The following ADAMTS16 variants were observed in gnomAD, a reference collection of about 807,000 sequenced individuals.
The protein encoded by ADAMTS16 is A disintegrin and metalloproteinase with thrombospondin motifs 16.
ADAMTS16 carries 94 observed loss-of-function variants against 145.8 expected under a neutral mutation model. The ratio of observed to expected loss-of-function variants is 0.64; its 90% confidence interval spans 0.55 to 0.77. ADAMTS16 has a LOEUF of 0.77. ADAMTS16 is among the 30% of genes least tolerant of loss of function. The probability of loss-of-function intolerance (pLI) is 0.00; values close to 1 mark genes in which losing one functional copy is unlikely to be tolerated. For synonymous variants in ADAMTS16, 659 were observed against 604.3 expected, an observed-to-expected ratio of 1.09 and a Z score of -1.33; for missense variants, 1,585 against 1,591.5, an observed-to-expected ratio of 1.00 and a Z score of 0.07.
At chr5:5,243,568 C>T (rs574860779) in intron 17 of ADAMTS16, among the ~76,000 whole-genome samples, 6 of 152,318 alleles carry the variant, frequency 3.9e-5, no homozygotes, top group Non-Finnish European at 7.3e-5. Flanking sequence ...GATTTTACCT[C>T]TCCCTATTTA....
At chr5:5,185,994 G>A (rs527606661) in intron 4 of ADAMTS16, 58 bp from the exon 5 acceptor site, 29 of 1,458,652 alleles carry the variant, frequency 2.0e-5, no homozygotes, top group South Asian at 1.1e-4. Context: ...GACGAGTTAC[G>A]GCCCTGATTT....
In ADAMTS16 at chr5:5,317,606, C is replaced by T. The variant is rs1734106870; in HGVS notation, c.3412-528C>T. Among the ~76,000 whole-genome samples, 1 of 152,204 alleles carries T rather than the reference C, an allele frequency of 6.6e-6. No homozygotes were observed. Among genetic ancestry groups the T allele is most frequent in the African/African-American group, 2.4e-5 (1 of 41,522 alleles). ...AGAGACGGGGTTTCATCATGTTGCC[C>T]AGGCTGATCTCGAACTCCTGACCTC... On this transcript the variant is annotated intron_variant, in intron 21 of 22. Coordinates refer to ENST00000274181, the MANE Select transcript of ADAMTS16 (RefSeq NM_139056.4). The surrounding 1 kb of genome is among the most constrained non-coding windows in gnomAD (Gnocchi z 4.5).
chr5:5,317,661 G>A lies in ADAMTS16; in HGVS notation c.3412-473G>A, dbSNP rs901834672. On this transcript the variant is annotated intron_variant, in intron 21 of 22. Coordinates refer to ENST00000274181, the MANE Select transcript of ADAMTS16 (RefSeq NM_139056.4). The surrounding 1 kb of genome is among the most constrained non-coding windows in gnomAD (Gnocchi z 4.5). Reference sequence around the variant, plus strand: ...GATCCACCCGCCTCAGCCTCCCAAAGTGCTGGGATTACAGGCATGAGCCAC... The same window carrying A: ...GATCCACCCGCCTCAGCCTCCCAAAATGCTGGGATTACAGGCATGAGCCAC... Among the ~76,000 whole-genome samples the A allele has an allele frequency of 6.6e-6, 1 of 152,048 alleles. No individual in the cohort carries two copies. The highest frequency in any genetic ancestry group is 1.5e-5 in the Non-Finnish European group (1 of 68,024).
chr5:5,265,639 T>G (rs749410261), intron 18 of ADAMTS16, among the ~76,000 whole-genome samples: 1 of 152,152 alleles, frequency 6.6e-6, no homozygotes, highest in African/African-American at 2.4e-5. Flanking sequence ...GTTCATGACT[T>G]TATAAGCCAA....
At chr5:5,212,520 T>G (rs902761726) in intron 10 of ADAMTS16, among the ~76,000 whole-genome samples, 1 of 152,206 alleles carries the variant, frequency 6.6e-6, no homozygotes, top group African/African-American at 2.4e-5. Context: ...CTTCTGACTC[T>G]TTTCTCGTTG....
At chr5:5,160,177 T>C (rs2126525310) in intron 3 of ADAMTS16, among the ~76,000 whole-genome samples, 1 of 152,322 alleles carries the variant, frequency 6.6e-6, no homozygotes, top group Middle Eastern at 3.4e-3. Context: ...AGACCATAAG[T>C]AAAAGCAAAA....
intron 18 of ADAMTS16, among the ~76,000 whole-genome samples, chr5:5,290,476 A>G (rs113412564): frequency 0.028 from 4,226 of 152,162 alleles, 79 homozygotes; most frequent in East Asian, 0.067. Flanking sequence ...CCAACATGGT[A>G]AAACCCTGTC....
In ADAMTS16 at chr5:5,182,317, C is replaced by T. The variant is rs751643439; in HGVS notation, c.763+12C>T. On this transcript the variant is annotated intron_variant, in intron 4 of 22. Coordinates refer to ENST00000274181, the MANE Select transcript of ADAMTS16 (RefSeq NM_139056.4). ...AAGACGCAAGAAATGTATGTAAGGG[C>T]GAATCTTTGTGTGTATTTAGTGATG... 25 of 1,602,890 alleles carry T rather than the reference C, an allele frequency of 1.6e-5. No individual in the cohort carries two copies. The highest frequency in any genetic ancestry group is 3.3e-4 in the Middle Eastern group (2 of 6,042).
At chr5:5,147,243 G>A (rs976502891) in intron 3 of ADAMTS16, among the ~76,000 whole-genome samples, 2 of 152,204 alleles carry the variant, frequency 1.3e-5, no homozygotes, top group Non-Finnish European at 2.9e-5. Flanking sequence ...CAGGTGCAGA[G>A]GAGCGAAGTG....
At chr5:5,301,570 C>T (rs565866933) in intron 18 of ADAMTS16, among the ~76,000 whole-genome samples, 1 of 152,294 alleles carries the variant, frequency 6.6e-6, no homozygotes, top group East Asian at 1.9e-4. Flanking sequence ...CCACAAATGC[C>T]ATTCTCGAGA....
Position 5,281,357 on chromosome 5 carries a change from G to A in ADAMTS16, c.2789+18574G>A, listed in dbSNP as rs543031321. On this transcript the variant is annotated intron_variant, in intron 18 of 22. Transcript: ENST00000274181. ...ATTAAAACATGTATTTTAACACTTC[G>A]TTCCTTATATCAAAATAAATCTCAT... is the stretch of plus-strand genomic sequence containing the variant. Among the ~76,000 whole-genome samples, 27 of 152,130 alleles carry A rather than the reference G, an allele frequency of 1.8e-4. No homozygotes were observed. In the East Asian group the frequency reaches 2.9e-3, roughly 16 times the overall value.
In ADAMTS16 at chr5:5,303,458, C is replaced by T. The variant is rs1331404425; in HGVS notation, c.2980C>T (p.Pro994Ser). 2 of 1,610,374 alleles carry T rather than the reference C, an allele frequency of 1.2e-6. No individual in the cohort carries two copies. The highest frequency in any genetic ancestry group is 1.7e-6 in the Non-Finnish European group (2 of 1,177,962). Residue 994 changes from proline to serine, a missense_variant, in exon 19 of 23, where the codon CCC becomes TCC. Around this residue, in one of 3 missense-constraint regions of ADAMTS16, gnomAD observed 834 missense variants for 811.7 expected, o/e 1.03. Transcript: ENST00000274181. ...CTGCCCACCTGCATGGAGCGCCGGG[C>T]CCTGGGCAGAGGTAACCAGGGTGGG... ...QSCPPAWSAG[P>S]WAECSHTCGK...
intron 3 of ADAMTS16, among the ~76,000 whole-genome samples, chr5:5,168,783 A>G (rs890281798): frequency 6.9e-6 from 1 of 144,090 alleles, no homozygotes; most frequent in African/African-American, 2.6e-5. Flanking sequence ...TTTATTATAG[A>G]TAGAGCCCTT....
chr5:5,161,106 T>A (rs1734734375), intron 3 of ADAMTS16, among the ~76,000 whole-genome samples: 1 of 152,228 alleles, frequency 6.6e-6, no homozygotes, highest in African/African-American at 2.4e-5. Context: ...GCATTATCTA[T>A]ACTATGATAA....
At chr5:5,309,891 A>T (rs1740350339) in intron 21 of ADAMTS16, among the ~76,000 whole-genome samples, 1 of 151,830 alleles carries the variant, frequency 6.6e-6, no homozygotes, top group African/African-American at 2.4e-5. Flanking sequence ...GCTGCCAGAG[A>T]AAGCAAACGG....
At chr5:5,202,814 C>A in intron 9 of ADAMTS16, among the ~76,000 whole-genome samples, 1 of 151,830 alleles carries the variant, frequency 6.6e-6, no homozygotes, top group African/African-American at 2.4e-5. Flanking sequence ...GTGAGAACAC[C>A]CAAGTTATTA....
chr5:5,259,778 A>G (rs1294734123), intron 17 of ADAMTS16, among the ~76,000 whole-genome samples: 2 of 152,238 alleles, frequency 1.3e-5, no homozygotes. Flanking sequence ...TAGGAACAAA[A>G]GGAAAGGCAG....
chr5:5,292,503 A>G, intron 18 of ADAMTS16, among the ~76,000 whole-genome samples: 1 of 8,528 alleles, frequency 1.2e-4, no homozygotes, highest in Admixed American at 4.4e-4. Flanking sequence ...AGCTCAAATA[A>G]TAATAATAAT....
At chr5:5,314,482 G>A (rs544251198) in intron 21 of ADAMTS16, among the ~76,000 whole-genome samples, 7 of 152,198 alleles carry the variant, frequency 4.6e-5, no homozygotes, top group African/African-American at 1.7e-4. Context: ...TTAAGCCATC[G>A]TATTTGGGAG....
Sources: gnomAD v4.1 joint callset for allele counts (sites outside exome capture counted in the v4.1 genomes callset) on GRCh38, gnomAD v4.1.1 for gene constraint, gnomAD v4.1.1 regional missense constraint, Gnocchi (gnomAD v3.1) non-coding constraint, MANE v1.5 for transcripts, NCBI Gene and HGNC (gene_info 2026-07-23, HGNC 2026-07-21) for gene names.